Variants in GPR158 observed in about 807,000 individuals in gnomAD.
GPR158 encodes the protein G protein-coupled receptor 158.
In GPR158, 30 loss-of-function variants were observed where a neutral mutation model predicts 78.2. The ratio of observed to expected loss-of-function variants is 0.38; its 90% CI spans 0.29 to 0.52. The LOEUF is 0.52. Ranked by LOEUF, GPR158 falls within the 20% of genes least tolerant of loss-of-function variation. GPR158 has a pLI of 0.83. For synonymous variants in GPR158, 581 were observed against 591.1 expected (o/e 0.98, Z 0.25); for missense variants, 1,463 against 1,523.5 (o/e 0.96, Z 0.66).
chr10:25,363,179 A>G (rs1012093413), intron 2 of GPR158, among the ~76,000 whole-genome samples: 3 of 151,986 alleles, frequency 2.0e-5, no homozygotes, highest in Non-Finnish European at 2.9e-5. Flanking sequence ...CAGCCATACC[A>G]TAACTTTGCA....
At chr10:25,281,621 AT>A (rs1854276245) in intron 2 of GPR158, among the ~76,000 whole-genome samples, 1 of 151,726 alleles carries the variant, frequency 6.6e-6, no homozygotes, top group Non-Finnish European at 1.5e-5. Flanking sequence ...AATAATAAAT[AT>A]CAAAAATTTG....
intron 7 of GPR158, among the ~76,000 whole-genome samples, chr10:25,581,424 G>A (rs2130740627): frequency 6.6e-6 from 1 of 152,238 alleles, no homozygotes; most frequent in Non-Finnish European, 1.5e-5. Flanking sequence ...TTGGCTTAGG[G>A]CTACATCACT....
intron 3 of GPR158, among the ~76,000 whole-genome samples, chr10:25,400,612 C>T (rs1359088776): frequency 6.6e-6 from 1 of 152,190 alleles, no homozygotes; most frequent in Non-Finnish European, 1.5e-5. Context: ...TAACCAAGTA[C>T]TGATGTTTCA....
chr10:25,275,404 T>A (rs780269228), intron 2 of GPR158, among the ~76,000 whole-genome samples: 22 of 152,220 alleles, frequency 1.4e-4, no homozygotes, highest in Admixed American at 5.2e-4. Context: ...TTTATAATTG[T>A]CTTCCCATGG....
chr10:25,560,844 A>G (rs566847783), intron 6 of GPR158, among the ~76,000 whole-genome samples: 4 of 152,326 alleles, frequency 2.6e-5, no homozygotes, highest in Non-Finnish European at 5.9e-5. Flanking sequence ...GGAAATGGAA[A>G]CATTTTCGCT....
At chr10:25,399,443 C>A (rs1189600565) in intron 3 of GPR158, among the ~76,000 whole-genome samples, 1 of 152,090 alleles carries the variant, frequency 6.6e-6, no homozygotes, top group Non-Finnish European at 1.5e-5. Context: ...TGTGAGGGAT[C>A]TAGGTTGCAT....
intron 4 of GPR158, among the ~76,000 whole-genome samples, chr10:25,448,281 G>A (rs372502912): frequency 7.9e-5 from 12 of 151,526 alleles, no homozygotes; most frequent in African/African-American, 1.9e-4. Context: ...TAGTAGAGAC[G>A]GGGTTTCACC....
intron 5 of GPR158, among the ~76,000 whole-genome samples, chr10:25,476,453 A>G (rs1277593443): frequency 6.6e-6 from 1 of 151,376 alleles, no homozygotes; most frequent in Non-Finnish European, 1.5e-5. Context: ...TCTTCCTGTA[A>G]AGGACTCCAA....
chr10:25,294,819 A>G (rs142502951), intron 2 of GPR158, among the ~76,000 whole-genome samples: 43 of 152,328 alleles, frequency 2.8e-4, no homozygotes, highest in African/African-American at 1.0e-3. Context: ...ATAAGGTTAG[A>G]CTGGGGCAAG....
intron 5 of GPR158, among the ~76,000 whole-genome samples, chr10:25,510,199 G>A (rs141474320): frequency 6.6e-6 from 1 of 152,166 alleles, no homozygotes; most frequent in East Asian, 1.9e-4. Context: ...AGAGTTGGAC[G>A]CTTGAATAAC....
At chr10:25,459,756 A>G (rs1835333272) in intron 4 of GPR158, among the ~76,000 whole-genome samples, 1 of 152,288 alleles carries the variant, frequency 6.6e-6, no homozygotes, top group East Asian at 1.9e-4. Flanking sequence ...TTATGCTTCT[A>G]TACTTGGCAT....
chr10:25,521,698 G>A (rs1035933342), intron 5 of GPR158, among the ~76,000 whole-genome samples: 2 of 152,208 alleles, frequency 1.3e-5, no homozygotes, highest in Non-Finnish European at 2.9e-5. Context: ...CTGCTGGTCA[G>A]TAAAACATGG....
At chr10:25,555,185 G>A (rs914647541) in intron 6 of GPR158, among the ~76,000 whole-genome samples, 2 of 152,074 alleles carry the variant, frequency 1.3e-5, no homozygotes, top group Non-Finnish European at 2.9e-5. Context: ...TTTTGGCTTA[G>A]GATTGACTTG....
At chr10:25,433,570 TGCGCGC>T (rs71472803) in intron 4 of GPR158, among the ~76,000 whole-genome samples, 6 of 128,746 alleles carry the variant, frequency 4.7e-5, no homozygotes, top group East Asian at 4.2e-4. Flanking sequence ...TGTGTGTGTG[TGCGCGC>T]GCGCGTGCGC....
chr10:25,346,794 G>C (rs1166622424), intron 2 of GPR158, among the ~76,000 whole-genome samples: 1 of 152,026 alleles, frequency 6.6e-6, no homozygotes, highest in East Asian at 2.0e-4. Flanking sequence ...TTCAACAATT[G>C]ATGAAAGATC....
At chr10:25,247,334 CTTTAAGTTTT>C (rs1487743604) in intron 2 of GPR158, among the ~76,000 whole-genome samples, 2 of 140,776 alleles carry the variant, frequency 1.4e-5, no homozygotes, top group Non-Finnish European at 3.1e-5. Context: ...TTTTATTATA[CTTTAAGTTTT>C]AGGGTACATG....
At chr10:25,223,662 T>C (rs1322028735) in intron 2 of GPR158, among the ~76,000 whole-genome samples, 1 of 152,172 alleles carries the variant, frequency 6.6e-6, no homozygotes, top group Non-Finnish European at 1.5e-5. Context: ...TCTACTTTAT[T>C]CTTTGTAACA....
At chr10:25,465,430 C>T (rs752825332) in intron 4 of GPR158, among the ~76,000 whole-genome samples, 2 of 152,022 alleles carry the variant, frequency 1.3e-5, no homozygotes, top group Non-Finnish European at 2.9e-5. Context: ...TCTTTTATTT[C>T]TTGCTTCAAT....
At chr10:25,570,911 C>T (rs889611590) in intron 6 of GPR158, among the ~76,000 whole-genome samples, 2 of 151,998 alleles carry the variant, frequency 1.3e-5, no homozygotes, top group Non-Finnish European at 1.5e-5. Flanking sequence ...CAAAGTGAGA[C>T]TCCATCTTAA....
Sources: gnomAD v4.1 joint callset for allele counts (sites outside exome capture counted in the v4.1 genomes callset) on GRCh38, gnomAD v4.1.1 for gene constraint, MANE v1.5 for transcripts, NCBI Gene and HGNC (gene_info 2026-07-23, HGNC 2026-07-21) for gene names.